The following TJP1 variants were observed in gnomAD, a reference collection of about 807,000 sequenced individuals.
TJP1 encodes the protein tight junction protein 1.
In TJP1, 43 loss-of-function variants were observed where a neutral mutation model predicts 194.2. The observed-to-expected ratio is 0.22, with a 90% CI of 0.17 to 0.29. TJP1 has a LOEUF of 0.29. Ranked by LOEUF, TJP1 falls within the 10% of genes least tolerant of loss-of-function variation. The pLI, the probability that TJP1 is intolerant of heterozygous loss-of-function variation, is 1.00. For missense variants in TJP1, 1,971 were observed against 2,185.7 expected (o/e 0.90, Z 1.96); for synonymous variants, 801 against 779.0 (o/e 1.03, Z -0.47).
intron 2 of TJP1, among the ~76,000 whole-genome samples, chr15:29,786,947 C>A (rs1169221206): frequency 6.6e-6 from 1 of 152,210 alleles, no homozygotes; most frequent in African/African-American, 2.4e-5. Context: ...TTAACACCTA[C>A]TTCACAGACA....
intron 22 of TJP1, among the ~76,000 whole-genome samples, chr15:29,717,090 A>G (rs185297715): frequency 1.2e-3 from 190 of 152,330 alleles, no homozygotes; most frequent in African/African-American, 4.5e-3. Flanking sequence ...CGATTACATG[A>G]TTAGGGAACA....
chr15:29,854,703 A>G (rs1025448322), intron 2 of TJP1, among the ~76,000 whole-genome samples: 4 of 152,194 alleles, frequency 2.6e-5, no homozygotes, highest in East Asian at 3.8e-4. Context: ...CCACAGGAAC[A>G]GTTTGACTCC....
chr15:29,756,503 A>G (rs2045651108), intron 8 of TJP1, among the ~76,000 whole-genome samples: 1 of 152,186 alleles, frequency 6.6e-6, no homozygotes, highest in Non-Finnish European at 1.5e-5. Context: ...TTACAAAAGG[A>G]GGAGGCTGGA....
chr15:29,963,217 T>G (rs927756552), intron 1 of TJP1, among the ~76,000 whole-genome samples: 1 of 152,174 alleles, frequency 6.6e-6, no homozygotes, highest in Non-Finnish European at 1.5e-5. Flanking sequence ...CAGTGATCCA[T>G]GAGTGGGCCG....
intron 2 of TJP1, among the ~76,000 whole-genome samples, chr15:29,866,287 T>C (rs1329797448): frequency 3.9e-5 from 6 of 152,248 alleles, no homozygotes. Context: ...AACACATTTT[T>C]CCGTCACAAA....
chr15:29,884,602 A>T (rs2053051505), intron 2 of TJP1, among the ~76,000 whole-genome samples: 1 of 152,234 alleles, frequency 6.6e-6, no homozygotes, highest in African/African-American at 2.4e-5. Flanking sequence ...AGAAAAGCAG[A>T]ATTAATATTT....
At chr15:29,748,966 G>A (rs997997617) in intron 8 of TJP1, among the ~76,000 whole-genome samples, 17 of 11,896 alleles carry the variant, frequency 1.4e-3, no homozygotes, top group Non-Finnish European at 1.7e-3. Flanking sequence ...GCGTGTGTGC[G>A]CGCGCGCGTT....
At chr15:29,953,092 T>A (rs930923678) in intron 2 of TJP1, among the ~76,000 whole-genome samples, 1 of 151,536 alleles carries the variant, frequency 6.6e-6, no homozygotes, top group Non-Finnish European at 1.5e-5. Flanking sequence ...ATCCATGTTT[T>A]TTTCAAATGT....
intron 2 of TJP1, among the ~76,000 whole-genome samples, chr15:29,878,822 A>C (rs1289070490): frequency 6.6e-6 from 1 of 152,090 alleles, no homozygotes; most frequent in East Asian, 1.9e-4. Flanking sequence ...AGTGACTTGC[A>C]TATTAATTAA....
At chr15:29,866,405 G>A (rs2052303988) in intron 2 of TJP1, among the ~76,000 whole-genome samples, 2 of 152,172 alleles carry the variant, frequency 1.3e-5, no homozygotes, top group African/African-American at 4.8e-5. Flanking sequence ...GAAGAAAAAT[G>A]TCCATTTTAA....
intron 2 of TJP1, among the ~76,000 whole-genome samples, chr15:29,861,990 T>A (rs1290649294): frequency 6.6e-6 from 1 of 152,174 alleles, no homozygotes; most frequent in East Asian, 1.9e-4. Context: ...TATGTTTAGG[T>A]CTATGATCCA....
At chr15:29,821,086 G>A (rs987299110) in intron 1 of TJP1, among the ~76,000 whole-genome samples, 4 of 152,118 alleles carry the variant, frequency 2.6e-5, no homozygotes, top group African/African-American at 9.7e-5. Context: ...TCACATTTCT[G>A]TATTCCTTTG....
chr15:29,902,179 T>A (rs538622701), intron 2 of TJP1, among the ~76,000 whole-genome samples: 54 of 152,188 alleles, frequency 3.5e-4, no homozygotes, highest in Non-Finnish European at 5.4e-4. Flanking sequence ...GTTTATTTTG[T>A]GAGAAAACTG....
chr15:29,897,307 G>A (rs535827050), intron 2 of TJP1, among the ~76,000 whole-genome samples: 1 of 152,344 alleles, frequency 6.6e-6, no homozygotes, highest in East Asian at 1.9e-4. Flanking sequence ...CTTCGATGTG[G>A]TGTTGAGCCT....
intron 2 of TJP1, among the ~76,000 whole-genome samples, chr15:29,890,082 A>T (rs535463011): frequency 6.6e-6 from 1 of 152,184 alleles, no homozygotes; most frequent in South Asian, 2.1e-4. Context: ...CTGGCTGTCA[A>T]TGGCATGCCC....
intron 2 of TJP1, among the ~76,000 whole-genome samples, chr15:29,898,285 C>T (rs1217661301): frequency 2.0e-5 from 3 of 152,122 alleles, no homozygotes; most frequent in Non-Finnish European, 4.4e-5. Context: ...TCTTGTCTGC[C>T]GCCATGTGAG....
At chr15:29,785,583 T>C (rs932795318) in intron 2 of TJP1, among the ~76,000 whole-genome samples, 10 of 152,230 alleles carry the variant, frequency 6.6e-5, no homozygotes, top group African/African-American at 2.4e-4. Flanking sequence ...CTATTGAATA[T>C]GCCCAATTAC....
chr15:29,913,133 C>T (rs2054073762), intron 2 of TJP1, among the ~76,000 whole-genome samples: 1 of 151,756 alleles, frequency 6.6e-6, no homozygotes, highest in Non-Finnish European at 1.5e-5. Context: ...AAACTCACAG[C>T]AGGTGTGGAG....
chr15:29,903,114 C>T (rs1365832267), intron 2 of TJP1, among the ~76,000 whole-genome samples: 1 of 152,104 alleles, frequency 6.6e-6, no homozygotes, highest in Non-Finnish European at 1.5e-5. Context: ...GCCAGGCTCC[C>T]TGTCTCACCC....
Sources: gnomAD v4.1 joint callset for allele counts (sites outside exome capture counted in the v4.1 genomes callset) on GRCh38, gnomAD v4.1.1 for gene constraint, MANE v1.5 for transcripts, NCBI Gene and HGNC (gene_info 2026-07-23, HGNC 2026-07-21) for gene names.